The following UBIAD1 variants were observed in gnomAD, a reference collection of about 807,000 sequenced individuals.
The protein encoded by UBIAD1 is ubiA prenyltransferase domain-containing protein 1.
A neutral mutation model predicts 20.1 loss-of-function variants in UBIAD1; 12 were observed. That is an observed-to-expected ratio of 0.60 (90% confidence interval 0.38 to 0.97). UBIAD1 has a LOEUF of 0.97. Among genes scored for constraint, UBIAD1 ranks in the 50% least tolerant of loss-of-function variants. The pLI, the probability that UBIAD1 is intolerant of heterozygous loss-of-function variation, is 0.00. For missense variants in UBIAD1, 333 were observed against 419.5 expected, an observed-to-expected ratio of 0.79 and a Z score of 1.80; for synonymous variants, 207 against 189.2, an observed-to-expected ratio of 1.09 and a Z score of -0.77.
intron 1 of UBIAD1, among the ~76,000 whole-genome samples, chr1:11,294,119 C>T (rs1278283184): frequency 6.6e-6 from 1 of 152,234 alleles, no homozygotes; most frequent in African/African-American, 2.4e-5. Context: ...GGACCAGGCA[C>T]TGTTCTGATG....
At chr1:11,297,969 T>G (rs1380186732), downstream of UBIAD1, among the ~76,000 whole-genome samples, 1 of 151,552 alleles carries the variant, frequency 6.6e-6, no homozygotes, top group Non-Finnish European at 1.5e-5. Context: ...GTTTTTTTGT[T>G]TTTTTTTTGA....
chr1:11,294,950 C>A (rs538354078), exon 2 of UBIAD1: 27 of 717,480 alleles, frequency 3.8e-5, no homozygotes, highest in Admixed American at 1.4e-4. Flanking sequence ...GCCTAGTGAC[C>A]TGCCTTCTAG....
rs778297593 is a variant in UBIAD1, at chr1:11,273,506, G to A, written c.-26G>A. 1.4e-5 allele frequency: 22 copies of A among 1,610,350 alleles called. No homozygotes were observed. Among genetic ancestry groups the A allele is most frequent in the Non-Finnish European group, 1.9e-5 (22 of 1,180,010 alleles). On this transcript the variant is annotated 5_prime_UTR_variant, in exon 1 of 2. Coordinates refer to ENST00000376810, the MANE Select transcript of UBIAD1 (RefSeq NM_013319.3). This position sits in a 1 kb window ranked among gnomAD's most constrained non-coding sequence, Gnocchi z 4.9. ...TCACTGTGCGTGGCTCACTTTTAGA[G>A]TTTACTTCAACCACGTGGAGCTTCC...
downstream of UBIAD1, among the ~76,000 whole-genome samples, chr1:11,296,771 C>A (rs908880552): frequency 2.6e-5 from 4 of 152,234 alleles, no homozygotes; most frequent in African/African-American, 9.6e-5. Context: ...CCGCCCGCCT[C>A]AGCCTCCCAA....
At position 11,273,474 on chromosome 1, in the gene UBIAD1, C is replaced by G. The variant is rs573648792; in HGVS notation, c.-58C>G. 2.1e-5 allele frequency: 33 copies of G among 1,601,928 alleles called. No homozygotes were observed. The East Asian group carries it at 4.9e-4, about 24-fold the overall frequency. On this transcript the variant is annotated 5_prime_UTR_variant, in exon 1 of 2. Transcript: ENST00000376810. The surrounding 1 kb of genome is among the most constrained non-coding windows in gnomAD (Gnocchi z 4.9). Reference sequence around the variant, plus strand: ...GCCCCGCCCCGTCCTTCCTCCTTCCCGGGCGGTCACTGTGCGTGGCTCACT... The same window carrying G: ...GCCCCGCCCCGTCCTTCCTCCTTCCGGGGCGGTCACTGTGCGTGGCTCACT...
At chr1:11,288,684 G>C (rs1293659218), downstream of UBIAD1, among the ~76,000 whole-genome samples, 1 of 152,204 alleles carries the variant, frequency 6.6e-6, no homozygotes, top group African/African-American at 2.4e-5. Flanking sequence ...AAGGTGAGAG[G>C]ATTGCTTGAG....
At chr1:11,289,037 T>G (rs1638318493), downstream of UBIAD1, among the ~76,000 whole-genome samples, 1 of 152,262 alleles carries the variant, frequency 6.6e-6, no homozygotes, top group Admixed American at 6.5e-5. Context: ...AGGGTCACTG[T>G]GCTGCTAGAT....
intron 1 of UBIAD1, among the ~76,000 whole-genome samples, chr1:11,282,215 C>T (rs532195879): frequency 1.3e-5 from 2 of 152,184 alleles, no homozygotes; most frequent in African/African-American, 4.8e-5. Flanking sequence ...AGCAAGTGTT[C>T]CAGTTGCTCT....
chr1:11,283,133 A>G (rs1402483024), intron 1 of UBIAD1, among the ~76,000 whole-genome samples: 4 of 152,198 alleles, frequency 2.6e-5, no homozygotes. Context: ...AAGTGCTGGG[A>G]TTACAGGCGT....
intron 1 of UBIAD1, among the ~76,000 whole-genome samples, chr1:11,284,474 A>G (rs1396660184): frequency 6.6e-6 from 1 of 151,684 alleles, no homozygotes; most frequent in Non-Finnish European, 1.5e-5. Flanking sequence ...TTTATTTACT[A>G]ATTTTTTTGA....
In UBIAD1 at chr1:11,285,097, T is replaced by C. The variant is rs986371797; in HGVS notation, c.530-547T>C. ...TTATAACTCTCCTGTCCTCGCTGTT[T>C]TGCTTATCGCAGGGGTGCAGGTTTA... On this transcript the variant is annotated intron_variant, in intron 1 of 1. Transcript: ENST00000376810. The surrounding 1 kb of genome is among the most constrained non-coding windows in gnomAD (Gnocchi z 4.4). Among the ~76,000 whole-genome samples, 1 of 152,228 alleles carries C rather than the reference T, an allele frequency of 6.6e-6. No individual in the cohort carries two copies. Among genetic ancestry groups the C allele is most frequent in the Non-Finnish European group, 1.5e-5 (1 of 68,044 alleles).
At chr1:11,281,690 A>G (rs1051232481) in intron 1 of UBIAD1, among the ~76,000 whole-genome samples, 4 of 152,006 alleles carry the variant, frequency 2.6e-5, no homozygotes, top group South Asian at 2.1e-4. Flanking sequence ...ATCACCCCCA[A>G]AAGCTTCCCA....
In UBIAD1 at chr1:11,286,855, G is replaced by A. The variant is rs1638270929; in HGVS notation, c.*724G>A. On this transcript the variant is annotated 3_prime_UTR_variant, in exon 2 of 2. Transcript: ENST00000376810. Reference sequence around the variant, plus strand: ...CTGAGAAAATCACTGCTTTTGGATAGGAATCAGTAGGGTGGCTGTTTTCCC... The same window carrying A: ...CTGAGAAAATCACTGCTTTTGGATAAGAATCAGTAGGGTGGCTGTTTTCCC... The A allele has an allele frequency of 6.5e-6, 1 of 153,374 alleles. No individual in the cohort carries two copies. The highest frequency in any genetic ancestry group is 2.4e-5 in the African/African-American group (1 of 41,442). The allele number at this position is 153,374 out of a possible 1,614,324, so 9.5% of individuals were successfully genotyped here. A position where few individuals can be genotyped will look rare whatever the true frequency, so the allele number is the denominator to read the frequency against.
downstream of UBIAD1, among the ~76,000 whole-genome samples, chr1:11,292,420 G>C (rs1039611275): frequency 6.6e-6 from 1 of 152,130 alleles, no homozygotes. Flanking sequence ...ATGATTCCTC[G>C]TCAGGAACAT....
rs777723270 is a variant in UBIAD1, at chr1:11,285,879, G to C, written c.765G>C (p.Thr255=). The stretch of plus-strand genomic sequence containing the variant: ...CGCTGGCCATCCTCATCGGCCCCAC[G>C]TTCTCCTACATTCTCTACAACACAC... The part of the protein sequence containing the change: ...IVTLAILIGP[T]FSYILYNTLL... The change falls in exon 2 of 2, where the codon ACG becomes ACC. Residue 255 remains threonine (T), a synonymous_variant. Transcript: ENST00000376810. This position sits in a 1 kb window ranked among gnomAD's most constrained non-coding sequence, Gnocchi z 4.4. 1 of 1,614,118 alleles carries C rather than the reference G, an allele frequency of 6.2e-7. No homozygotes were observed. The highest frequency in any genetic ancestry group is 2.2e-5 in the East Asian group (1 of 44,878).
chr1:11,284,430 G>T (rs750060338), intron 1 of UBIAD1, among the ~76,000 whole-genome samples: 1 of 152,052 alleles, frequency 6.6e-6, no homozygotes, highest in Non-Finnish European at 1.5e-5. Flanking sequence ...TTAAGTGTAT[G>T]TTGGGGGAGG....
intron 1 of UBIAD1, among the ~76,000 whole-genome samples, chr1:11,277,670 A>C (rs1652095868): frequency 6.6e-6 from 1 of 152,130 alleles, no homozygotes; most frequent in South Asian, 2.1e-4. Flanking sequence ...TTCTTGAGAC[A>C]GAATTTTGCT....
chr1:11,283,541 G>GA (rs911755599), intron 1 of UBIAD1, among the ~76,000 whole-genome samples: 2 of 151,586 alleles, frequency 1.3e-5, no homozygotes, highest in African/African-American at 2.4e-5. Context: ...CAAATAGAAG[G>GA]AAAAAAAATA....
Position 11,273,485 on chromosome 1 carries a change from T to G in UBIAD1, c.-47T>G, listed in dbSNP as rs72856992. The G allele has an allele frequency of 0.011, 17,123 of 1,608,588 alleles. 1,439 individuals carry two copies. The African/African-American group carries it at 0.19, about 18-fold the overall frequency. On this transcript the variant is annotated 5_prime_UTR_variant, in exon 1 of 2. Coordinates refer to ENST00000376810, the MANE Select transcript of UBIAD1 (RefSeq NM_013319.3). The surrounding 1 kb of genome is among the most constrained non-coding windows in gnomAD (Gnocchi z 4.9). The stretch of plus-strand genomic sequence containing the variant: ...TCCTTCCTCCTTCCCGGGCGGTCAC[T>G]GTGCGTGGCTCACTTTTAGAGTTTA...
Sources: allele counts gnomAD v4.1 joint callset (sites outside exome capture counted in the v4.1 genomes callset), GRCh38; gene constraint gnomAD v4.1.1; non-coding constraint Gnocchi (gnomAD v3.1); transcripts MANE v1.5; gene names NCBI Gene and HGNC (gene_info 2026-07-23, HGNC 2026-07-21).